MACROD2: variants seen among roughly 807,000 people sequenced by gnomAD.
The protein encoded by MACROD2 is ADP-ribose glycohydrolase MACROD2.
A neutral mutation model predicts 70.4 loss-of-function variants in MACROD2; 36 were observed. The observed-to-expected ratio is 0.51, with a 90% CI of 0.39 to 0.68. MACROD2 has a LOEUF of 0.68. Ranked by LOEUF, MACROD2 falls within the 30% of genes least tolerant of loss-of-function variation. MACROD2 has a pLI of 0.00. For missense variants in MACROD2, 496 were observed against 538.4 expected, an observed-to-expected ratio of 0.92 and a Z score of 0.78; for synonymous variants, 172 against 178.8, an observed-to-expected ratio of 0.96 and a Z score of 0.30.
intron 12 of MACROD2, among the ~76,000 whole-genome samples, chr20:15,963,217 T>C (rs1601226228): frequency 6.6e-6 from 1 of 151,608 alleles, no homozygotes; most frequent in African/African-American, 2.4e-5. Flanking sequence ...TACTCATGTG[T>C]AGACATTTAC....
intron 4 of MACROD2, among the ~76,000 whole-genome samples, chr20:14,677,837 T>TCTGAG (rs1452946111): frequency 6.6e-6 from 1 of 152,154 alleles, no homozygotes; most frequent in East Asian, 1.9e-4. Context: ...GATTAAGGAC[T>TCTGAG]CTGAGACATA....
At chr20:14,618,393 A>G (rs1983604582) in intron 4 of MACROD2, among the ~76,000 whole-genome samples, 1 of 152,140 alleles carries the variant, frequency 6.6e-6, no homozygotes, top group Non-Finnish European at 1.5e-5. Context: ...ATCTTCAACA[A>G]ATTACTTACC....
intron 6 of MACROD2, among the ~76,000 whole-genome samples, chr20:15,250,069 C>G (rs2077141703): frequency 6.6e-6 from 1 of 152,172 alleles, no homozygotes; most frequent in African/African-American, 2.4e-5. Context: ...CCTCTGCTGC[C>G]ACTCTTAAAT....
intron 5 of MACROD2, among the ~76,000 whole-genome samples, chr20:14,885,919 G>A (rs1875951759): frequency 6.6e-6 from 1 of 152,138 alleles, no homozygotes; most frequent in Non-Finnish European, 1.5e-5. Flanking sequence ...TCTACAATGT[G>A]CCAGGCACTG....
intron 6 of MACROD2, among the ~76,000 whole-genome samples, chr20:15,387,554 ATCTT>A (rs1192115856): frequency 2.1e-5 from 3 of 140,584 alleles, no homozygotes; most frequent in Non-Finnish European, 4.6e-5. Flanking sequence ...TCTCAATTAC[ATCTT>A]TCTTCTCTTT....
chr20:14,792,258 A>G (rs921644201), intron 5 of MACROD2, among the ~76,000 whole-genome samples: 5 of 152,128 alleles, frequency 3.3e-5, no homozygotes, highest in African/African-American at 1.2e-4. Context: ...AGACTGTTAG[A>G]TTAGTTCTGA....
At chr20:15,386,824 A>G (rs1471323522) in intron 6 of MACROD2, among the ~76,000 whole-genome samples, 1 of 152,206 alleles carries the variant, frequency 6.6e-6, no homozygotes, top group Non-Finnish European at 1.5e-5. Flanking sequence ...TTAGAGCTGA[A>G]CAAAATAGTT....
At position 15,071,288 on chromosome 20, in the gene MACROD2, G is replaced by A. The variant is rs113411862; in HGVS notation, c.419-158652G>A. 1.6e-3 allele frequency among the ~76,000 whole-genome samples: 241 copies of A among 152,288 alleles called. 2 individuals carry two copies. The highest frequency in any genetic ancestry group is 5.5e-3 in the African/African-American group (229 of 41,568). On this transcript the variant is annotated intron_variant, in intron 5 of 17. Coordinates refer to ENST00000684519, the MANE Select transcript of MACROD2 (RefSeq NM_001351661.2). ...AGACATCTGATTCCACTAAATCAGC[G>A]AGGAGTTTTCAAAAAGCAGATGGCA...
At chr20:15,953,793 T>G (rs2065939706) in intron 12 of MACROD2, among the ~76,000 whole-genome samples, 1 of 152,158 alleles carries the variant, frequency 6.6e-6, no homozygotes, top group Non-Finnish European at 1.5e-5. Flanking sequence ...TTTTCATTAT[T>G]TACATCCTTA....
intron 5 of MACROD2, among the ~76,000 whole-genome samples, chr20:14,930,090 A>T (rs1404769712): frequency 6.8e-6 from 1 of 147,194 alleles, no homozygotes; most frequent in African/African-American, 2.5e-5. Context: ...TGAACCCGGG[A>T]GGCGGAGCTT....
At chr20:15,710,422 A>G (rs773686299) in intron 8 of MACROD2, among the ~76,000 whole-genome samples, 1 of 152,238 alleles carries the variant, frequency 6.6e-6, no homozygotes, top group African/African-American at 2.4e-5. Flanking sequence ...TACCTGAGGC[A>G]GTCCATAAAA....
At chr20:15,128,698 T>G (rs1303617634) in intron 5 of MACROD2, among the ~76,000 whole-genome samples, 4 of 152,058 alleles carry the variant, frequency 2.6e-5, no homozygotes, top group Non-Finnish European at 5.9e-5. Context: ...TAGGTTTGAA[T>G]TTGATTCTGA....
At chr20:15,930,930 C>T (rs2065566858) in intron 10 of MACROD2, among the ~76,000 whole-genome samples, 1 of 152,196 alleles carries the variant, frequency 6.6e-6, no homozygotes, top group African/African-American at 2.4e-5. Context: ...TTCTTATCTT[C>T]CTCACTTCAT....
chr20:15,472,720 C>T (rs907257583), intron 7 of MACROD2, among the ~76,000 whole-genome samples: 2 of 152,010 alleles, frequency 1.3e-5, no homozygotes, highest in Non-Finnish European at 2.9e-5. Context: ...CATTTCAGTA[C>T]TTGTTTTATT....
chr20:16,042,618 C>T (rs1347679237), intron 16 of MACROD2, among the ~76,000 whole-genome samples: 1 of 151,874 alleles, frequency 6.6e-6, no homozygotes, highest in African/African-American at 2.4e-5. Context: ...ACTAGTATCC[C>T]TTGGTTGGAA....
intron 5 of MACROD2, among the ~76,000 whole-genome samples, chr20:15,184,590 C>G (rs190677768): frequency 1.3e-5 from 2 of 152,266 alleles, no homozygotes; most frequent in East Asian, 3.9e-4. Flanking sequence ...GACATGTGGA[C>G]AAAAGAGAGA....
intron 12 of MACROD2, among the ~76,000 whole-genome samples, chr20:15,947,082 C>T (rs1163574669): frequency 1.3e-5 from 2 of 152,208 alleles, no homozygotes; most frequent in Non-Finnish European, 2.9e-5. Flanking sequence ...CGACTCCCGC[C>T]ACAGGGCGGT....
chr20:15,275,578 G>C (rs1478149208), intron 6 of MACROD2, among the ~76,000 whole-genome samples: 1 of 152,186 alleles, frequency 6.6e-6, no homozygotes, highest in African/African-American at 2.4e-5. Flanking sequence ...GGTGGTGATA[G>C]ATCCTCCTCT....
At chr20:15,258,399 G>C (rs565403043) in intron 6 of MACROD2, among the ~76,000 whole-genome samples, 1 of 152,162 alleles carries the variant, frequency 6.6e-6, no homozygotes, top group East Asian at 1.9e-4. Flanking sequence ...CCCTACACAG[G>C]TGTACCCTTT....
Sources: allele counts gnomAD v4.1 joint callset (sites outside exome capture counted in the v4.1 genomes callset), GRCh38; gene constraint gnomAD v4.1.1; transcripts MANE v1.5; gene names NCBI Gene and HGNC (gene_info 2026-07-23, HGNC 2026-07-21).